PRMT9: variants seen among roughly 807,000 people sequenced by gnomAD.
The protein encoded by PRMT9 is protein arginine N-methyltransferase 9.
PRMT9 carries 59 observed loss-of-function variants against 83.2 expected under a neutral mutation model. The observed-to-expected ratio is 0.71, with a 90% CI of 0.57 to 0.88. The LOEUF is 0.88. PRMT9 is among the 40% of genes least tolerant of loss of function. PRMT9 has a pLI of 0.00. For synonymous variants in PRMT9, 333 were observed against 353.2 expected (o/e 0.94, Z 0.64); for missense variants, 947 against 1,021.9 (o/e 0.93, Z 1.00).
intron 1 of PRMT9, among the ~76,000 whole-genome samples, chr4:147,681,776 G>C (rs373413165): frequency 0.017 from 1,612 of 94,206 alleles, 34 homozygotes; most frequent in African/African-American, 0.048. Flanking sequence ...GATACAGTGA[G>C]ACTCTATAAA....
At chr4:147,666,052 A>C (rs903284157) in intron 6 of PRMT9, among the ~76,000 whole-genome samples, 2 of 152,256 alleles carry the variant, frequency 1.3e-5, no homozygotes, top group Admixed American at 6.5e-5. Flanking sequence ...TTGCACTAAC[A>C]GTGTATAAAT....
intron 9 of PRMT9, among the ~76,000 whole-genome samples, chr4:147,652,995 ATAAAT>A (rs908286260): frequency 2.6e-5 from 4 of 151,820 alleles, no homozygotes; most frequent in South Asian, 2.1e-4. Flanking sequence ...ATATAAATAG[ATAAAT>A]TAAAAATACC....
At chr4:147,681,025 T>G (rs1008766098) in intron 1 of PRMT9, among the ~76,000 whole-genome samples, 2 of 152,222 alleles carry the variant, frequency 1.3e-5, no homozygotes, top group African/African-American at 4.8e-5. Context: ...ACATAAATCT[T>G]GTTCTTATCC....
chr4:147,683,648 C>T (rs530041947), intron 1 of PRMT9, 151 bp downstream of exon 1: 3 of 783,604 alleles, frequency 3.8e-6, no homozygotes, highest in Non-Finnish European at 4.4e-6. Context: ...GACGTTGGAT[C>T]GGCCAGCAAG....
Position 147,657,822 on chromosome 4 carries a change from G to A in PRMT9, c.1300C>T (p.Gln434Ter), listed in dbSNP as rs1445819354. The A allele has an allele frequency of 6.2e-7, 1 of 1,611,778 alleles. No individual in the cohort carries two copies. Among genetic ancestry groups the A allele is most frequent in the South Asian group, 1.1e-5 (1 of 90,908 alleles). The change falls in exon 8 of 12, where the codon CAG becomes TAG. Residue 434 changes from glutamine (Q) to a stop codon, truncating the protein, a stop_gained. Coordinates refer to ENST00000322396, the MANE Select transcript of PRMT9 (RefSeq NM_138364.4). LOFTEE classifies it high-confidence loss of function. Reference protein sequence around the residue: ...TSPSEETCWEQAVYPVQDLAD... With the variant: ...TSPSEETCWE ...AGGTCCTGTACGGGGTAGACAGCCT[G>A]TTCCCAACATGTTTCCTCACTAGGA...
At chr4:147,670,511 C>T in intron 5 of PRMT9, 130 bp downstream of exon 5, 1 of 741,574 alleles carries the variant, frequency 1.3e-6, no homozygotes. Flanking sequence ...TTCTTTCCAA[C>T]CACACAGTAT....
At chr4:147,677,786 C>T (rs1736188879) in intron 2 of PRMT9, among the ~76,000 whole-genome samples, 1 of 151,916 alleles carries the variant, frequency 6.6e-6, no homozygotes, top group Admixed American at 6.6e-5. Flanking sequence ...CAACTGTTAA[C>T]AAAAAATTCT....
intron 10 of PRMT9, among the ~76,000 whole-genome samples, chr4:147,639,801 A>G (rs1480439377): frequency 1.3e-5 from 2 of 152,222 alleles, no homozygotes; most frequent in Non-Finnish European, 2.9e-5. Context: ...AAGGCGAAAC[A>G]GGACACAGAT....
At chr4:147,639,940 G>A (rs1733270372) in intron 10 of PRMT9, among the ~76,000 whole-genome samples, 1 of 151,390 alleles carries the variant, frequency 6.6e-6, no homozygotes, top group Admixed American at 6.6e-5. Flanking sequence ...CATCAAACCA[G>A]AAGAAGCCTT....
At chr4:147,680,261 T>A in intron 2 of PRMT9, 62 bp downstream of exon 2, 1 of 1,481,184 alleles carries the variant, frequency 6.8e-7, no homozygotes, top group Non-Finnish European at 9.4e-7. Context: ...ACAGTATGAT[T>A]TATCCCTATC....
intron 7 of PRMT9, among the ~76,000 whole-genome samples, chr4:147,659,013 A>T (rs998127496): frequency 6.6e-6 from 1 of 152,100 alleles, no homozygotes; most frequent in Non-Finnish European, 1.5e-5. Flanking sequence ...CCCCGTCTCT[A>T]CTAAAAATAC....
At chr4:147,646,666 G>C (rs1334822497) in intron 9 of PRMT9, among the ~76,000 whole-genome samples, 2 of 150,786 alleles carry the variant, frequency 1.3e-5, no homozygotes, top group Middle Eastern at 3.2e-3. Flanking sequence ...CTGGGGAGGG[G>C]GGGGAGGGGG....
chr4:147,673,962 G>A (rs146889225), intron 2 of PRMT9, 88 bp from the exon 3 acceptor site: 449 of 1,086,066 alleles, frequency 4.1e-4, no homozygotes, highest in African/African-American at 1.6e-3. Context: ...ACTTGGCCTG[G>A]GAATTCCATG....
Position 147,673,796 on chromosome 4 carries a change from C to T in PRMT9, c.417G>A (p.Glu139=), listed in dbSNP as rs924474397. Residue 139 remains glutamate (E), a synonymous_variant, in exon 3 of 12, where the codon GAG becomes GAA. Coordinates refer to ENST00000322396, the MANE Select transcript of PRMT9 (RefSeq NM_138364.4). ...KLNPDFSDAK[E]NFYRVANWLV... is the part of the protein sequence containing the mutation. The stretch of plus-strand genomic sequence containing the variant: ...ACCAGTTTGCAACACGATAAAAATT[C>T]TCCTTTGCATCACTGAAATCAGGGT... The T allele has an allele frequency of 6.2e-7, 1 of 1,614,146 alleles. No homozygotes were observed. The highest frequency in any genetic ancestry group is 1.3e-5 in the African/African-American group (1 of 75,048).
At chr4:147,641,508 C>T (rs934676565) in intron 10 of PRMT9, among the ~76,000 whole-genome samples, 6 of 152,200 alleles carry the variant, frequency 3.9e-5, no homozygotes, top group African/African-American at 1.2e-4. Flanking sequence ...ATCCCATACG[C>T]CACACTCCCT....
At chr4:147,645,309 A>G (rs190495758) in intron 9 of PRMT9, among the ~76,000 whole-genome samples, 3 of 152,342 alleles carry the variant, frequency 2.0e-5, no homozygotes, top group Non-Finnish European at 2.9e-5. Context: ...ACCACTTAAA[A>G]GATATCTAAA....
Position 147,673,087 on chromosome 4 carries a change from G to C in PRMT9, c.615C>G (p.Ala205=). The change falls in exon 4 of 12, where the codon GCC becomes GCG. Residue 205 remains alanine (A), a synonymous_variant. Transcript: ENST00000322396. ...AKKAGAHSVY[A]CELSKTMYEL... ...CATACATGGTCTTGGATAACTCACA[G>C]GCATACACGGAATGTGCTCCAGCTT... 6.2e-7 allele frequency: 1 copy of C among 1,613,934 alleles called. No homozygotes were observed. The highest frequency in any genetic ancestry group is 8.5e-7 in the Non-Finnish European group (1 of 1,179,910).
rs772777433 is a variant in PRMT9, at chr4:147,664,817, A to AT, written c.953+3721dup. ...TTAAAGTAAAATTAAATTAAATTAA[A>AT]TTTTTTAAAAAAACAGGCCGGGCAC... On this transcript the variant is annotated intron_variant, in intron 6 of 11. Coordinates refer to ENST00000322396, the MANE Select transcript of PRMT9 (RefSeq NM_138364.4). Among the ~76,000 whole-genome samples, 9 of 152,004 alleles carry AT rather than the reference A, an allele frequency of 5.9e-5. No individual in the cohort carries two copies. In the East Asian group the frequency reaches 1.7e-3, roughly 29 times the overall value.
chr4:147,665,175 C>A (rs1371596922), intron 6 of PRMT9, among the ~76,000 whole-genome samples: 3 of 145,992 alleles, frequency 2.1e-5, no homozygotes, highest in Admixed American at 2.0e-4. Flanking sequence ...TATATACTTA[C>A]AATCTTTCCT....
Sources: gnomAD v4.1 joint callset for allele counts (sites outside exome capture counted in the v4.1 genomes callset) on GRCh38, gnomAD v4.1.1 for gene constraint, MANE v1.5 for transcripts, NCBI Gene and HGNC (gene_info 2026-07-23, HGNC 2026-07-21) for gene names.